Variants in CCDC7 observed in about 807,000 individuals in gnomAD.
The protein encoded by CCDC7 is coiled-coil domain-containing protein 7.
Under a neutral mutation model 196.9 loss-of-function variants are expected in CCDC7, and 183 were observed. That is an observed-to-expected ratio of 0.93 (90% CI 0.82 to 1.05). CCDC7 has a LOEUF of 1.05. CCDC7 is among the 50% of genes least tolerant of loss of function. The pLI is 0.00. For missense variants in CCDC7, 1,540 were observed against 1,482.2 expected (o/e 1.04, Z -0.64); for synonymous variants, 525 against 484.6 (o/e 1.08, Z -1.10).
chr10:32,716,381 A>G (rs1034576356), intron 25 of CCDC7, among the ~76,000 whole-genome samples: 1 of 152,224 alleles, frequency 6.6e-6, no homozygotes, highest in African/African-American at 2.4e-5. Context: ...CCTGCCTTAC[A>G]AGAGCTCCTG....
At chr10:32,601,349 G>A (rs1361568596) in intron 18 of CCDC7, among the ~76,000 whole-genome samples, 4 of 152,162 alleles carry the variant, frequency 2.6e-5, no homozygotes, top group African/African-American at 9.7e-5. Context: ...GGGATTACAG[G>A]CATGAGCTAC....
At chr10:32,861,115 C>CAAAAAAAAAAAAA (rs142801821) in intron 41 of CCDC7, among the ~76,000 whole-genome samples, 49 of 97,092 alleles carry the variant, frequency 5.0e-4, no homozygotes, top group Non-Finnish European at 7.3e-4. Context: ...CAATCATAAG[C>CAAAAAAAAAAAAA]AAAAAAAAAA....
At chr10:32,748,903 C>T (rs2075244679) in intron 28 of CCDC7, among the ~76,000 whole-genome samples, 1 of 152,116 alleles carries the variant, frequency 6.6e-6, no homozygotes, top group Admixed American at 6.5e-5. Flanking sequence ...CTCTTAGGAA[C>T]ATAAAGGGAT....
At chr10:32,539,106 C>G (rs1431678872) in intron 11 of CCDC7, among the ~76,000 whole-genome samples, 2 of 151,906 alleles carry the variant, frequency 1.3e-5, no homozygotes, top group Non-Finnish European at 2.9e-5. Flanking sequence ...CTTTATATAT[C>G]TGGTAGAATT....
chr10:32,593,911 T>C (rs2060036588), intron 18 of CCDC7, among the ~76,000 whole-genome samples: 1 of 152,208 alleles, frequency 6.6e-6, no homozygotes, highest in South Asian at 2.1e-4. Flanking sequence ...GGTGTATCTC[T>C]CTCTTTTGGT....
chr10:32,471,097 C>T (rs773491562), exon 6 of CCDC7: 1 of 1,607,690 alleles, frequency 6.2e-7, no homozygotes, highest in South Asian at 1.1e-5. Flanking sequence ...ACAAGCAGAG[C>T]CTCCAAAACC....
At chr10:32,513,501 G>A (rs1438560236) in intron 9 of CCDC7, 1 of 151,954 alleles carries the variant, frequency 6.6e-6, no homozygotes, top group Non-Finnish European at 1.5e-5. Flanking sequence ...TGAGATTAGT[G>A]TTACTCTGAT....
At chr10:32,784,327 G>A (rs2081484653) in intron 29 of CCDC7, among the ~76,000 whole-genome samples, 1 of 152,080 alleles carries the variant, frequency 6.6e-6, no homozygotes, top group Non-Finnish European at 1.5e-5. Flanking sequence ...CCATCACCCA[G>A]GTATTAAGCC....
At chr10:32,539,895 AT>A (rs143061135) in intron 11 of CCDC7, among the ~76,000 whole-genome samples, 13,526 of 151,116 alleles carry the variant, frequency 0.09, 861 homozygotes, top group East Asian at 0.33. Context: ...TATGATTTTG[AT>A]TTTTTTTTAA....
chr10:32,745,468 G>A (rs1221548488), intron 28 of CCDC7, among the ~76,000 whole-genome samples: 1 of 152,138 alleles, frequency 6.6e-6, no homozygotes, highest in African/African-American at 2.4e-5. Flanking sequence ...TGACAAGTGA[G>A]GGAGCAAAAG....
intron 24 of CCDC7, among the ~76,000 whole-genome samples, chr10:32,710,868 A>G (rs1465936561): frequency 1.3e-5 from 2 of 152,202 alleles, no homozygotes; most frequent in East Asian, 1.9e-4. Context: ...GAAGGTAACA[A>G]TTAAGCCTTT....
intron 29 of CCDC7, among the ~76,000 whole-genome samples, chr10:32,792,214 G>A (rs1209944203): frequency 6.6e-6 from 1 of 152,096 alleles, no homozygotes; most frequent in South Asian, 2.1e-4. Flanking sequence ...TCTTCAAGTG[G>A]AAATAAAAGG....
At chr10:32,715,677 C>T (rs1362832373) in intron 25 of CCDC7, among the ~76,000 whole-genome samples, 1 of 152,128 alleles carries the variant, frequency 6.6e-6, no homozygotes, top group Non-Finnish European at 1.5e-5. Context: ...GAACTGCTAA[C>T]TAGAATAACC....
At chr10:32,651,370 T>C (rs991768066) in intron 20 of CCDC7, among the ~76,000 whole-genome samples, 1 of 152,158 alleles carries the variant, frequency 6.6e-6, no homozygotes, top group Non-Finnish European at 1.5e-5. Flanking sequence ...ACATTTGGTG[T>C]TTTCTGTCCA....
intron 9 of CCDC7, among the ~76,000 whole-genome samples, chr10:32,507,629 T>C (rs1402895948): frequency 6.6e-6 from 1 of 152,068 alleles, no homozygotes; most frequent in Non-Finnish European, 1.5e-5. Flanking sequence ...TTTTGTATTT[T>C]TAGTAGAGAT....
chr10:32,797,273 AT>A (rs943813558), intron 29 of CCDC7, among the ~76,000 whole-genome samples: 3 of 151,108 alleles, frequency 2.0e-5, no homozygotes, highest in African/African-American at 7.3e-5. Flanking sequence ...ATATATGCGT[AT>A]ATATATACAT....
intron 20 of CCDC7, among the ~76,000 whole-genome samples, chr10:32,647,092 A>G (rs556054470): frequency 6.6e-6 from 1 of 152,328 alleles, no homozygotes; most frequent in African/African-American, 2.4e-5. Context: ...TTTTCAGTAT[A>G]TACCCAGTAA....
intron 25 of CCDC7, among the ~76,000 whole-genome samples, chr10:32,717,709 C>A (rs977112162): frequency 6.6e-6 from 1 of 151,978 alleles, no homozygotes; most frequent in African/African-American, 2.4e-5. Context: ...CCCCTGATCC[C>A]ACAGAAATAC....
intron 5 of CCDC7, among the ~76,000 whole-genome samples, chr10:32,467,214 G>A (rs1485610276): frequency 6.6e-6 from 1 of 151,274 alleles, no homozygotes; most frequent in Admixed American, 6.6e-5. Flanking sequence ...CAATTGTCCT[G>A]CCTCAGCCTC....
Sources: allele counts gnomAD v4.1 joint callset (sites outside exome capture counted in the v4.1 genomes callset), GRCh38; gene constraint gnomAD v4.1.1; transcripts MANE v1.5; gene names NCBI Gene and HGNC (gene_info 2026-07-23, HGNC 2026-07-21).